The following CCNY variants were observed in gnomAD, a reference collection of about 807,000 sequenced individuals.
The protein encoded by CCNY is cyclin-Y.
In CCNY, 19 loss-of-function variants were observed where a neutral mutation model predicts 42.8. That is an observed-to-expected ratio of 0.44 (90% confidence interval 0.31 to 0.65). CCNY has a LOEUF of 0.65. Ranked by LOEUF, CCNY falls within the 30% of genes least tolerant of loss-of-function variation. The pLI is 0.07. For synonymous variants in CCNY, 165 were observed against 162.7 expected (o/e 1.01, Z -0.11); for missense variants, 370 against 437.3 (o/e 0.85, Z 1.37).
At chr10:35,557,071 C>G in intron 8 of CCNY, among the ~76,000 whole-genome samples, 1 of 152,058 alleles carries the variant, frequency 6.6e-6, no homozygotes, top group East Asian at 1.9e-4. Context: ...GTCTCAAACT[C>G]CTGACCTTAG....
chr10:35,553,191 T>C lies in CCNY; in HGVS notation c.746+6T>C, dbSNP rs372862951. ...GACATCACGGTGGAGGACATGTGAG[T>C]TGGGGGGCAGAGGGTGTTGGTCATC... On this transcript the variant is annotated splice_donor_region_variant and intron_variant, in intron 8 of 9. Coordinates refer to ENST00000374704, the MANE Select transcript of CCNY (RefSeq NM_145012.6). The C allele has an allele frequency of 8.1e-6, 13 of 1,612,660 alleles. No individual in the cohort carries two copies. Among genetic ancestry groups the C allele is most frequent in the African/African-American group, 1.3e-5 (1 of 74,836 alleles).
chr10:35,266,249 C>CTTTTTTTTTTT (rs773886027), intron 3 of CCNY, among the ~76,000 whole-genome samples: 108 of 110,130 alleles, frequency 9.8e-4, no homozygotes, highest in Non-Finnish European at 1.4e-3. Context: ...GGCTAATTTC[C>CTTTTTTTTTTT]TTTTTTTTTT....
chr10:35,401,021 G>T (rs3003987), intron 1 of CCNY, among the ~76,000 whole-genome samples: 8,068 of 152,294 alleles, frequency 0.053, 314 homozygotes, highest in African/African-American at 0.11. Flanking sequence ...TGAAGTAACT[G>T]TGCTCTGAAG....
intron 3 of CCNY, among the ~76,000 whole-genome samples, chr10:35,257,800 A>T (rs2095716710): frequency 6.6e-6 from 1 of 152,086 alleles, no homozygotes; most frequent in South Asian, 2.1e-4. Context: ...GGATGTTTTC[A>T]GCCATTACTT....
intron 3 of CCNY, among the ~76,000 whole-genome samples, chr10:35,284,209 A>T (rs910761119): frequency 6.6e-6 from 1 of 152,180 alleles, no homozygotes; most frequent in African/African-American, 2.4e-5. Context: ...TGCGCCTTAC[A>T]TGAAGGAGTA....
At chr10:35,511,058 A>T (rs1043406799) in intron 3 of CCNY, among the ~76,000 whole-genome samples, 5 of 152,128 alleles carry the variant, frequency 3.3e-5, no homozygotes, top group Non-Finnish European at 7.4e-5. Context: ...TCAGCATTTC[A>T]CTGCCCAATG....
intron 1 of CCNY, among the ~76,000 whole-genome samples, chr10:35,481,860 C>T (rs1394841806): frequency 6.6e-6 from 1 of 152,190 alleles, no homozygotes. Context: ...CATGAAATTT[C>T]TTGACTAACT....
In CCNY at chr10:35,553,017, A is replaced by G. The variant is rs1436241519; in HGVS notation, c.580-2A>G. 2 of 1,613,364 alleles carry G rather than the reference A, an allele frequency of 1.2e-6. No individual in the cohort carries two copies. Among genetic ancestry groups the G allele is most frequent in the Non-Finnish European group, 1.7e-6 (2 of 1,179,474 alleles). Reference sequence around the variant, plus strand: ...AGCTCTGGCATTGTCTTGTCTTCCCAGGTGTACCTTGAAAGACTTTTAACA... The same window carrying G: ...AGCTCTGGCATTGTCTTGTCTTCCCGGGTGTACCTTGAAAGACTTTTAACA... On this transcript the variant is annotated splice_acceptor_variant, in intron 7 of 9. Coordinates refer to ENST00000374704, the MANE Select transcript of CCNY (RefSeq NM_145012.6). LOFTEE classifies it high-confidence loss of function.
intron 3 of CCNY, among the ~76,000 whole-genome samples, chr10:35,252,160 T>G (rs1012799460): frequency 6.6e-6 from 1 of 152,204 alleles, no homozygotes; most frequent in Non-Finnish European, 1.5e-5. Flanking sequence ...TTTTATTATA[T>G]TCTTTCTTTG....
intron 7 of CCNY, among the ~76,000 whole-genome samples, chr10:35,549,106 C>A (rs1267309312): frequency 6.9e-6 from 1 of 144,888 alleles, no homozygotes; most frequent in Non-Finnish European, 1.5e-5. Flanking sequence ...CCACCCCACC[C>A]CCCCCCGCCC....
In CCNY at chr10:35,570,940, A is replaced by G. The variant is rs1841673861; in HGVS notation, c.*1770A>G. ...GCAAATAAACAGCATATAAAACGTT[A>G]ATTATCTTTCCATTGTAATTGTGAT... On this transcript the variant is annotated 3_prime_UTR_variant, in exon 10 of 10. Coordinates refer to ENST00000374704, the MANE Select transcript of CCNY (RefSeq NM_145012.6). 1 of 152,340 alleles carries G rather than the reference A, an allele frequency of 6.6e-6. No individual in the cohort carries two copies. The highest frequency in any genetic ancestry group is 1.9e-4 in the East Asian group (1 of 5,330). The allele number at this position is 152,340 out of a possible 1,614,324, so 9.4% of individuals were successfully genotyped here. A position where few individuals can be genotyped will look rare whatever the true frequency, so the allele number is the denominator to read the frequency against.
intron 1 of CCNY, among the ~76,000 whole-genome samples, chr10:35,420,241 A>G (rs1838131573): frequency 6.6e-6 from 1 of 152,180 alleles, no homozygotes; most frequent in South Asian, 2.1e-4. Context: ...GTGATACTGA[A>G]TGAATCATGT....
chr10:35,412,218 C>T (rs545616865), intron 1 of CCNY, among the ~76,000 whole-genome samples: 1 of 152,212 alleles, frequency 6.6e-6, no homozygotes, highest in East Asian at 1.9e-4. Flanking sequence ...GTTGTAACTT[C>T]GTTACAGGGA....
chr10:35,399,265 C>T (rs2135225637), intron 1 of CCNY, among the ~76,000 whole-genome samples: 1 of 151,230 alleles, frequency 6.6e-6, no homozygotes. Flanking sequence ...CCCTGCTGGG[C>T]CGTGGAGGCT....
intron 1 of CCNY, among the ~76,000 whole-genome samples, chr10:35,480,457 G>T (rs1307114241): frequency 6.6e-6 from 1 of 152,100 alleles, no homozygotes; most frequent in Non-Finnish European, 1.5e-5. Flanking sequence ...GCTCAGGAGT[G>T]CCTCTGAGCT....
chr10:35,532,589 A>G (rs142290642), intron 7 of CCNY, among the ~76,000 whole-genome samples: 4 of 152,228 alleles, frequency 2.6e-5, no homozygotes, highest in African/African-American at 4.8e-5. Context: ...AAGCTCTCCT[A>G]TGGATACTGC....
At position 35,330,446 on chromosome 10, in the gene CCNY, C is replaced by T. The variant is rs532258887; in HGVS notation, c.-9+79820C>T. Among the ~76,000 whole-genome samples, 1,052 of 152,264 alleles carry T rather than the reference C, an allele frequency of 6.9e-3. 6 individuals carry two copies. Among genetic ancestry groups the T allele is most frequent in the Non-Finnish European group, 9.5e-3 (646 of 68,014 alleles). On this transcript the variant is annotated intron_variant, in intron 3 of 11. Transcript: ENST00000374706. ...AAGTACACATGATAGCCCCACAGGT[C>T]TTGGTCACAATACCTATCATCTGGG...
chr10:35,545,856 C>T (rs1370075882), intron 7 of CCNY, among the ~76,000 whole-genome samples: 1 of 152,056 alleles, frequency 6.6e-6, no homozygotes, highest in African/African-American at 2.4e-5. Flanking sequence ...AATCTTCCAG[C>T]ATCAGGTACA....
chr10:35,409,233 G>C (rs1186532691), intron 1 of CCNY, among the ~76,000 whole-genome samples: 1 of 152,212 alleles, frequency 6.6e-6, no homozygotes, highest in Non-Finnish European at 1.5e-5. Context: ...TCTCGCATCT[G>C]CCATTGTCAT....
Sources: allele counts gnomAD v4.1 joint callset (sites outside exome capture counted in the v4.1 genomes callset), GRCh38; gene constraint gnomAD v4.1.1; transcripts MANE v1.5; gene names NCBI Gene and HGNC (gene_info 2026-07-23, HGNC 2026-07-21).